The following ANKS1B variants were observed in gnomAD, a reference collection of about 807,000 sequenced individuals.
ANKS1B encodes ankyrin repeat and sterile alpha motif domain-containing protein 1B.
ANKS1B carries 36 observed loss-of-function variants against 148.3 expected under a neutral mutation model. The ratio of observed to expected loss-of-function variants is 0.24; its 90% CI spans 0.19 to 0.32. ANKS1B has a LOEUF of 0.32. ANKS1B is among the 10% of genes least tolerant of loss of function. The pLI is 1.00. For missense variants in ANKS1B, 1,157 were observed against 1,542.6 expected (o/e 0.75, Z 4.19); for synonymous variants, 542 against 560.8 (o/e 0.97, Z 0.47).
At chr12:99,737,736 C>T (rs1333122729) in intron 8 of ANKS1B, among the ~76,000 whole-genome samples, 2 of 151,968 alleles carry the variant, frequency 1.3e-5, no homozygotes, top group African/African-American at 2.4e-5. Context: ...CCTATTTCCC[C>T]CCTACCTGTA....
rs11610215 is a variant in ANKS1B, at chr12:99,468,516, A to C, written c.1439-24707T>G. ...AGTGAACAGGCAACCTAAAAAATGG[A>C]AGAAAATTTTCGCAACCTACTCGTC... On this transcript the variant is annotated intron_variant, in intron 10 of 26. Transcript: ENST00000683438. Among the ~76,000 whole-genome samples, 5 of 152,062 alleles carry C rather than the reference A, an allele frequency of 3.3e-5. No individual in the cohort carries two copies. In the South Asian group the frequency reaches 1.0e-3, roughly 32 times the overall value.
At chr12:99,802,247 T>C (rs1158016008) in intron 4 of ANKS1B, among the ~76,000 whole-genome samples, 3 of 152,178 alleles carry the variant, frequency 2.0e-5, no homozygotes, top group Non-Finnish European at 4.4e-5. Flanking sequence ...TGGCTTAAGG[T>C]TGTACTAGTT....
chr12:99,244,208 A>C, intron 14 of ANKS1B, 134 bp downstream of exon 14: 1 of 625,492 alleles, frequency 1.6e-6, no homozygotes, highest in Non-Finnish European at 2.7e-6. Context: ...TTGTTGTTAG[A>C]TCTGAGAGTG....
At chr12:98,951,081 T>C (rs1199599931) in intron 17 of ANKS1B, among the ~76,000 whole-genome samples, 1 of 152,210 alleles carries the variant, frequency 6.6e-6, no homozygotes, top group Non-Finnish European at 1.5e-5. Flanking sequence ...ATGAGCTATG[T>C]GAAGAGTCTC....
At chr12:99,092,611 G>C (rs994641099) in intron 15 of ANKS1B, among the ~76,000 whole-genome samples, 1 of 152,112 alleles carries the variant, frequency 6.6e-6, no homozygotes, top group Non-Finnish European at 1.5e-5. Context: ...GGTGAGTTTG[G>C]ACACCTTGCT....
chr12:99,640,626 G>A lies in ANKS1B; in HGVS notation c.1272+14441C>T, dbSNP rs557087640. On this transcript the variant is annotated intron_variant, in intron 9 of 26. Coordinates refer to ENST00000683438, the MANE Select transcript of ANKS1B (RefSeq NM_001352186.2). ...ATTAGACTTCCCAGCCTTCGAAACT[G>A]TGAGAAGTAAATTTCTTTTCTTTAT... Among the ~76,000 whole-genome samples the A allele has an allele frequency of 2.0e-5, 3 of 152,302 alleles. No individual in the cohort carries two copies. The South Asian group carries it at 6.2e-4, about 32-fold the overall frequency.
chr12:99,121,150 A>G (rs1267075575), intron 15 of ANKS1B, among the ~76,000 whole-genome samples: 3 of 150,554 alleles, frequency 2.0e-5, no homozygotes, highest in African/African-American at 7.4e-5. Context: ...TAATTTGGGG[A>G]CTAGTAGGAT....
chr12:99,429,391 C>T (rs1037932860), intron 11 of ANKS1B, among the ~76,000 whole-genome samples: 12 of 152,138 alleles, frequency 7.9e-5, no homozygotes, highest in African/African-American at 2.7e-4. Flanking sequence ...AATTGAGGAA[C>T]ATTACACAAA....
chr12:99,589,744 A>G (rs1226171339), intron 9 of ANKS1B, among the ~76,000 whole-genome samples: 2 of 152,208 alleles, frequency 1.3e-5, no homozygotes, highest in Non-Finnish European at 2.9e-5. Flanking sequence ...AACCACCTAA[A>G]TGAATGTATG....
At chr12:99,626,113 A>G (rs890470634) in intron 9 of ANKS1B, among the ~76,000 whole-genome samples, 21 of 152,168 alleles carry the variant, frequency 1.4e-4, no homozygotes, top group Non-Finnish European at 4.4e-5. Flanking sequence ...TCTATATCAA[A>G]ATGAAATGCT....
At chr12:99,954,673 G>A (rs1182786687) in intron 1 of ANKS1B, among the ~76,000 whole-genome samples, 1 of 152,084 alleles carries the variant, frequency 6.6e-6, no homozygotes, top group African/African-American at 2.4e-5. Flanking sequence ...CTAAAGCATT[G>A]GTTCTCAACC....
At chr12:98,986,670 A>G (rs958473556) in intron 17 of ANKS1B, among the ~76,000 whole-genome samples, 7 of 152,140 alleles carry the variant, frequency 4.6e-5, no homozygotes, top group Admixed American at 4.6e-4. Flanking sequence ...CCTGGAGTGC[A>G]GTGATATAAT....
chr12:99,127,844 A>T (rs1483019730), intron 15 of ANKS1B, among the ~76,000 whole-genome samples: 1 of 152,216 alleles, frequency 6.6e-6, no homozygotes, highest in Non-Finnish European at 1.5e-5. Context: ...TGCCTCCACA[A>T]ATTAGACTTT....
At chr12:98,745,977 C>A (rs537446767) in intron 26 of ANKS1B, 128 bp from the exon 27 acceptor site, 73 of 992,086 alleles carry the variant, frequency 7.4e-5, no homozygotes, top group Middle Eastern at 6.5e-4. Context: ...CTGGTCTAGG[C>A]GGCTCGCGGG....
At chr12:99,061,988 T>C (rs1019752096) in intron 16 of ANKS1B, among the ~76,000 whole-genome samples, 2 of 152,154 alleles carry the variant, frequency 1.3e-5, no homozygotes, top group Admixed American at 1.3e-4. Flanking sequence ...ATGGTGGTGT[T>C]ACCAGGTAAA....
chr12:99,268,288 C>T (rs1179238425), intron 12 of ANKS1B, among the ~76,000 whole-genome samples: 1 of 152,146 alleles, frequency 6.6e-6, no homozygotes, highest in African/African-American at 2.4e-5. Context: ...TTTTTCTGAA[C>T]ACTACTAGAA....
intron 14 of ANKS1B, among the ~76,000 whole-genome samples, chr12:99,164,261 T>C (rs2076983070): frequency 6.6e-6 from 1 of 152,152 alleles, no homozygotes. Context: ...TAAAAATGTG[T>C]CTCATAAATA....
At chr12:99,136,265 T>C (rs761422692) in intron 15 of ANKS1B, among the ~76,000 whole-genome samples, 6 of 152,108 alleles carry the variant, frequency 3.9e-5, no homozygotes, top group Admixed American at 2.0e-4. Context: ...CGAGTTGGCA[T>C]AGAAGCAGAG....
intron 1 of ANKS1B, among the ~76,000 whole-genome samples, chr12:99,962,810 C>CTTT (rs1010885602): frequency 1.1e-3 from 131 of 120,704 alleles, no homozygotes; most frequent in Non-Finnish European, 1.3e-3. Flanking sequence ...TGATGTTGAG[C>CTTT]TTTTTTTTTT....
Sources: gnomAD v4.1 joint callset for allele counts (sites outside exome capture counted in the v4.1 genomes callset) on GRCh38, gnomAD v4.1.1 for gene constraint, MANE v1.5 for transcripts, NCBI Gene and HGNC (gene_info 2026-07-23, HGNC 2026-07-21) for gene names.